The following CHP1 variants were observed in gnomAD, a reference collection of about 807,000 sequenced individuals.
CHP1 encodes the protein calcineurin like EF-hand protein 1.
In CHP1, 11 loss-of-function variants were observed where a neutral mutation model predicts 27.4. The observed-to-expected ratio is 0.40, with a 90% CI of 0.25 to 0.67. CHP1 has a LOEUF of 0.67. Ranked by LOEUF, CHP1 falls within the 30% of genes least tolerant of loss-of-function variation. The pLI is 0.38. For synonymous variants in CHP1, 89 were observed against 87.4 expected, an observed-to-expected ratio of 1.02 and a Z score of -0.10; for missense variants, 169 against 251.3, an observed-to-expected ratio of 0.67 and a Z score of 2.22.
chr15:41,263,913 A>G (rs2047446181), intron 4 of CHP1, among the ~76,000 whole-genome samples: 1 of 152,104 alleles, frequency 6.6e-6, no homozygotes, highest in South Asian at 2.1e-4. Context: ...AAATAGCACT[A>G]GTGGATTTGG....
At chr15:41,270,283 C>A (rs1348034526) in intron 4 of CHP1, among the ~76,000 whole-genome samples, 1 of 151,826 alleles carries the variant, frequency 6.6e-6, no homozygotes, top group Non-Finnish European at 1.5e-5. Flanking sequence ...GGGCGTTTAA[C>A]ATTCTAGGTT....
intron 2 of CHP1, among the ~76,000 whole-genome samples, chr15:41,249,564 C>T (rs2047354106): frequency 6.7e-6 from 1 of 148,200 alleles, no homozygotes; most frequent in Non-Finnish European, 1.5e-5. Context: ...CCTCCGCCTC[C>T]CGGGTTCATG....
At chr15:41,279,210 CAAAAAA>C in intron 6 of CHP1, 120 bp from the exon 7 acceptor site, 4 of 594,412 alleles carry the variant, frequency 6.7e-6, no homozygotes, top group Non-Finnish European at 1.1e-5. Context: ...ACTCTGCCTC[CAAAAAA>C]AAAAAAAAAA....
At position 41,278,859 on chromosome 15, in the gene CHP1, C is replaced by G; in HGVS notation, c.504C>G (p.Asp168Glu). 6.2e-7 allele frequency: 1 copy of G among 1,614,176 alleles called. No homozygotes were observed. The highest frequency in any genetic ancestry group is 1.1e-5 in the South Asian group (1 of 91,084). Residue 168 changes from aspartate (D) to glutamate (E), a missense_variant, in exon 6 of 7, where the codon GAC becomes GAG. Physicochemically the swap from Asp to Glu is conservative, Grantham distance 45. Transcript: ENST00000334660. ...TTCAGGAGGCTGATCAGGATGGGGA[C>G]AGTGCCATATCTTTCACAGAATTTG... ...RTIQEADQDG[D>E]SAISFTEFVK...
At chr15:41,273,485 G>A (rs763927383) in intron 5 of CHP1, among the ~76,000 whole-genome samples, 22 of 151,980 alleles carry the variant, frequency 1.4e-4, no homozygotes, top group Non-Finnish European at 2.9e-4. Context: ...AAGTTCAAGC[G>A]ATTCTCCTGA....
At chr15:41,232,278 T>TCGG (rs999706549) in intron 1 of CHP1, among the ~76,000 whole-genome samples, 9 of 150,508 alleles carry the variant, frequency 6.0e-5, no homozygotes, top group African/African-American at 2.2e-4. Context: ...TGGCGTGATC[T>TCGG]CGGCACACTG....
intron 5 of CHP1, among the ~76,000 whole-genome samples, chr15:41,275,877 A>G (rs890800455): frequency 6.6e-6 from 1 of 151,676 alleles, no homozygotes; most frequent in African/African-American, 2.4e-5. Context: ...CACCACGCCC[A>G]GCTAATTTTG....
intron 1 of CHP1, among the ~76,000 whole-genome samples, chr15:41,234,421 T>C (rs922053655): frequency 6.6e-6 from 1 of 152,200 alleles, no homozygotes; most frequent in Non-Finnish European, 1.5e-5. Flanking sequence ...TTAAGAACAA[T>C]TATAAGACAT....
intron 4 of CHP1, among the ~76,000 whole-genome samples, chr15:41,267,525 G>A (rs1024311650): frequency 6.6e-6 from 1 of 151,844 alleles, no homozygotes; most frequent in African/African-American, 2.4e-5. Context: ...AGCTGGGTGT[G>A]GTGGCACATA....
In CHP1 at chr15:41,256,922, C is replaced by T; in HGVS notation, c.153C>T (p.Phe51=). 1 of 1,614,114 alleles carries T rather than the reference C, an allele frequency of 6.2e-7. No homozygotes were observed. The highest frequency in any genetic ancestry group is 8.5e-7 in the Non-Finnish European group (1 of 1,179,966). ...ATTCTCTTGGCAGCCGGGAAGATTTCCAGAGGATTCCAGAACTTGCCATCA... is the reference window on the plus strand; with the variant it reads ...ATTCTCTTGGCAGCCGGGAAGATTTTCAGAGGATTCCAGAACTTGCCATCA... ...GENGTLSRED[F]QRIPELAINP... Residue 51 remains phenylalanine (F), a synonymous_variant, in exon 3 of 7, where the codon TTC becomes TTT. Transcript: ENST00000334660.
In CHP1 at chr15:41,263,925, C is replaced by T. The variant is rs374253748; in HGVS notation, c.349+1042C>T. Among the ~76,000 whole-genome samples, 14 of 152,184 alleles carry T rather than the reference C, an allele frequency of 9.2e-5. No homozygotes were observed. The South Asian group carries it at 2.7e-3, about 29-fold the overall frequency. ...TCGAAATAGCACTAGTGGATTTGGG[C>T]GTTACATGGTGTCTTAGGATACCTT... On this transcript the variant is annotated intron_variant, in intron 4 of 6. Transcript: ENST00000334660.
chr15:41,260,920 G>C (rs955263554), intron 3 of CHP1, among the ~76,000 whole-genome samples: 1 of 151,960 alleles, frequency 6.6e-6, no homozygotes, highest in Non-Finnish European at 1.5e-5. Flanking sequence ...GTCTTGCACC[G>C]TCACCTGGGC....
chr15:41,263,423 C>A (rs912946345), intron 4 of CHP1, among the ~76,000 whole-genome samples: 1 of 152,184 alleles, frequency 6.6e-6, no homozygotes, highest in Non-Finnish European at 1.5e-5. Flanking sequence ...TTTTTATACC[C>A]GTGTCTCATG....
At chr15:41,248,589 G>C (rs552575078) in intron 2 of CHP1, among the ~76,000 whole-genome samples, 1 of 152,182 alleles carries the variant, frequency 6.6e-6, no homozygotes, top group South Asian at 2.1e-4. Flanking sequence ...TCTTAAACCT[G>C]TTCTTTGATC....
rs148050703 is a variant in CHP1, at chr15:41,254,980, A to G, written c.141-1930A>G. Reference sequence around the variant, plus strand: ...CTTGAAGTTACAAGAACAATACAAGATAACTTTTATTCTGATACCCAGATT... The same window carrying G: ...CTTGAAGTTACAAGAACAATACAAGGTAACTTTTATTCTGATACCCAGATT... On this transcript the variant is annotated intron_variant, in intron 2 of 6. Coordinates refer to ENST00000334660, the MANE Select transcript of CHP1 (RefSeq NM_007236.5). 5.0e-3 allele frequency among the ~76,000 whole-genome samples: 765 copies of G among 152,312 alleles called. 10 individuals are homozygous for G. The highest frequency in any genetic ancestry group is 0.018 in the African/African-American group (739 of 41,570).
At chr15:41,233,585 C>T (rs1307127286) in intron 1 of CHP1, among the ~76,000 whole-genome samples, 1 of 152,148 alleles carries the variant, frequency 6.6e-6, no homozygotes, top group Admixed American at 6.6e-5. Flanking sequence ...TGAATTTTTA[C>T]AGTGTCTGTT....
At chr15:41,274,585 CACT>C (rs960877999) in intron 5 of CHP1, among the ~76,000 whole-genome samples, 4 of 152,058 alleles carry the variant, frequency 2.6e-5, no homozygotes, top group African/African-American at 9.6e-5. Context: ...TTAAAGACAC[CACT>C]ACTTTTATCC....
Position 41,270,596 on chromosome 15 carries a change from T to A in CHP1, c.389T>A (p.Ile130Asn), listed in dbSNP as rs778930600. 6.2e-7 allele frequency: 1 copy of A among 1,614,030 alleles called. No homozygotes were observed. Among genetic ancestry groups the A allele is most frequent in the South Asian group, 1.1e-5 (1 of 91,086 alleles). Residue 130 changes from isoleucine to asparagine, a missense_variant, in exon 5 of 7, where the codon ATC (isoleucine) becomes AAC (asparagine). Coordinates refer to ENST00000334660, the MANE Select transcript of CHP1 (RefSeq NM_007236.5). ...TATGATTTGGATAAAGATGAAAAGATCTCCCGTGATGAGCTGTTACAGGTA... is the reference window on the plus strand; with the variant it reads ...TATGATTTGGATAAAGATGAAAAGAACTCCCGTGATGAGCTGTTACAGGTA... ...RLYDLDKDEK[I>N]SRDELLQVLR... is the part of the protein sequence containing the mutation.
chr15:41,276,210 C>T (rs1409399347), intron 5 of CHP1, among the ~76,000 whole-genome samples: 1 of 149,032 alleles, frequency 6.7e-6, no homozygotes, highest in Non-Finnish European at 1.5e-5. Flanking sequence ...CATTGCATTC[C>T]AGCCTGGGCA....
Sources: allele counts gnomAD v4.1 joint callset (sites outside exome capture counted in the v4.1 genomes callset), GRCh38; gene constraint gnomAD v4.1.1; transcripts MANE v1.5; gene names NCBI Gene and HGNC (gene_info 2026-07-23, HGNC 2026-07-21).